CDH18: variants seen among roughly 807,000 people sequenced by gnomAD.
CDH18 encodes cadherin 18.
In CDH18, 31 loss-of-function variants were observed where a neutral mutation model predicts 67.9. That is an observed-to-expected ratio of 0.46 (90% CI 0.34 to 0.62). CDH18 has a LOEUF of 0.62. CDH18 is among the 20% of genes least tolerant of loss of function. The pLI is 0.01. For missense variants in CDH18, 890 were observed against 975.5 expected, an observed-to-expected ratio of 0.91 and a Z score of 1.17; for synonymous variants, 362 against 347.2, an observed-to-expected ratio of 1.04 and a Z score of -0.48.
Position 19,504,569 on chromosome 5 carries a change from T to A in CDH18, c.1513-1460A>T, listed in dbSNP as rs184528116. 2.5e-3 allele frequency among the ~76,000 whole-genome samples: 386 copies of A among 152,196 alleles called. 1 individual carries two copies. Among genetic ancestry groups the A allele is most frequent in the Non-Finnish European group, 4.6e-3 (313 of 68,004 alleles). ...GGAACATATATACATTAGCTAGACA[T>A]TAGTTACTTAATACAAAATTGAAAT... On this transcript the variant is annotated intron_variant, in intron 10 of 12. Coordinates refer to ENST00000382275, the MANE Select transcript of CDH18 (RefSeq NM_004934.5).
intron 2 of CDH18, among the ~76,000 whole-genome samples, chr5:19,867,648 A>C (rs1445902684): frequency 2.7e-4 from 1 of 3,766 alleles, no homozygotes; most frequent in Non-Finnish European, 7.6e-4. Flanking sequence ...CTAAATATAT[A>C]TATTTATATA....
rs1195934732 is a variant in CDH18 at position 20,292,810 on chromosome 5, T to C, written c.-579-37305A>G. Among the ~76,000 whole-genome samples the C allele has an allele frequency of 2.6e-5, 4 of 152,190 alleles. No homozygotes were observed. The East Asian group carries it at 7.7e-4, about 29-fold the overall frequency. On this transcript the variant is annotated intron_variant, in intron 1 of 14. Transcript: ENST00000507958. ...ATGTCTTCATATCATCTTCCCTGTGTGTGTGTTACTTTCTGTTTCTCTACT... is the reference window on the plus strand; with the variant it reads ...ATGTCTTCATATCATCTTCCCTGTGCGTGTGTTACTTTCTGTTTCTCTACT...
At chr5:19,602,909 G>C (rs970991842) in intron 6 of CDH18, among the ~76,000 whole-genome samples, 1 of 152,072 alleles carries the variant, frequency 6.6e-6, no homozygotes, top group Non-Finnish European at 1.5e-5. Flanking sequence ...AGGGTGCAGT[G>C]AGCCAAGATC....
chr5:20,299,561 C>T (rs1747799706), intron 1 of CDH18, among the ~76,000 whole-genome samples: 1 of 151,878 alleles, frequency 6.6e-6, no homozygotes, highest in African/African-American at 2.4e-5. Context: ...AAGTTCGAGA[C>T]CGGCCTGGCC....
chr5:19,482,381 G>T (rs1401458656), intron 12 of CDH18, among the ~76,000 whole-genome samples: 2 of 152,120 alleles, frequency 1.3e-5, no homozygotes, highest in Non-Finnish European at 2.9e-5. Flanking sequence ...CTCCCAAAGT[G>T]CTGGGATTAC....
chr5:19,840,883 C>A lies in CDH18; in HGVS notation c.-256-1641G>T, dbSNP rs553434045. Among the ~76,000 whole-genome samples, 7 of 152,252 alleles carry A rather than the reference C, an allele frequency of 4.6e-5. No individual in the cohort carries two copies. The East Asian group carries it at 1.4e-3, about 29-fold the overall frequency. On this transcript the variant is annotated intron_variant, in intron 2 of 12. Coordinates refer to ENST00000382275, the MANE Select transcript of CDH18 (RefSeq NM_004934.5). ...TAAAAAGTACTAAATAAATCACTTT[C>A]TCATTGAATGCAATTCATCCCTGCA...
At chr5:20,442,853 A>G (rs1749706614) in intron 1 of CDH18, among the ~76,000 whole-genome samples, 1 of 151,912 alleles carries the variant, frequency 6.6e-6, no homozygotes, top group South Asian at 2.1e-4. Context: ...ATTCAGATAC[A>G]ATGGATCAGA....
intron 1 of CDH18, among the ~76,000 whole-genome samples, chr5:20,329,618 A>G (rs1738962818): frequency 6.6e-6 from 1 of 151,566 alleles, no homozygotes; most frequent in South Asian, 2.1e-4. Flanking sequence ...CACACACACA[A>G]AATTAGCCGG....
intron 1 of CDH18, among the ~76,000 whole-genome samples, chr5:20,336,297 G>T (rs1489753265): frequency 6.6e-6 from 1 of 152,138 alleles, no homozygotes; most frequent in East Asian, 1.9e-4. Context: ...AGAGGACACA[G>T]TTAGGGGCTG....
chr5:19,999,614 T>C (rs1354945926), intron 2 of CDH18, among the ~76,000 whole-genome samples: 2 of 151,982 alleles, frequency 1.3e-5, no homozygotes, highest in East Asian at 3.9e-4. Flanking sequence ...AAAATAATAA[T>C]AATATTAGTA....
At chr5:20,174,092 CA>C (rs778252171) in intron 2 of CDH18, among the ~76,000 whole-genome samples, 1 of 152,024 alleles carries the variant, frequency 6.6e-6, no homozygotes, top group South Asian at 2.1e-4. Context: ...TAAAATATTT[CA>C]AAACATATGC....
At chr5:20,126,127 T>A (rs1174767791) in intron 2 of CDH18, among the ~76,000 whole-genome samples, 1 of 152,108 alleles carries the variant, frequency 6.6e-6, no homozygotes, top group Non-Finnish European at 1.5e-5. Flanking sequence ...TACAGATTGA[T>A]GGAACAGAAT....
intron 2 of CDH18, among the ~76,000 whole-genome samples, chr5:19,953,320 T>G (rs2150272458): frequency 6.6e-6 from 1 of 152,212 alleles, no homozygotes; most frequent in Middle Eastern, 3.4e-3. Context: ...ATAAATGAGT[T>G]TAGTACTTAC....
intron 2 of CDH18, among the ~76,000 whole-genome samples, chr5:20,221,822 C>T (rs76118713): frequency 0.041 from 6,299 of 152,110 alleles, 379 homozygotes; most frequent in East Asian, 0.28. Context: ...ATTATTGTGT[C>T]ACTTCATCAT....
At chr5:19,500,677 A>G (rs1274480973) in intron 11 of CDH18, among the ~76,000 whole-genome samples, 1 of 152,196 alleles carries the variant, frequency 6.6e-6, no homozygotes, top group Non-Finnish European at 1.5e-5. Context: ...CACTCAAGCT[A>G]CTGTAGCTGA....
rs113255358 is a variant in CDH18, at chr5:20,105,688, C to T, written c.-517-113674G>A. Among the ~76,000 whole-genome samples the T allele has an allele frequency of 1.6e-3, 247 of 152,308 alleles. 1 individual carries two copies. The highest frequency in any genetic ancestry group is 5.1e-3 in the African/African-American group (214 of 41,576). On this transcript the variant is annotated intron_variant, in intron 2 of 14. Transcript: ENST00000507958. ...GCAGTATTCATTCTTTCACGTCTGG[C>T]TTATTTCACTTAGCATAACATTTCT...
At chr5:20,303,240 T>C (rs552044830) in intron 1 of CDH18, among the ~76,000 whole-genome samples, 3 of 152,288 alleles carry the variant, frequency 2.0e-5, no homozygotes, top group African/African-American at 7.2e-5. Context: ...TTGACTTTCA[T>C]TTCGTAAGGG....
chr5:20,165,578 T>C (rs566655194), intron 2 of CDH18, among the ~76,000 whole-genome samples: 345 of 152,188 alleles, frequency 2.3e-3, no homozygotes, highest in African/African-American at 7.7e-3. Context: ...ATAGCAATAA[T>C]CCCCCTTTAT....
intron 1 of CDH18, among the ~76,000 whole-genome samples, chr5:20,294,850 T>C (rs1423191299): frequency 1.3e-5 from 2 of 152,158 alleles, no homozygotes; most frequent in Non-Finnish European, 2.9e-5. Flanking sequence ...CACATACATA[T>C]ACTTACATAT....
Sources: gnomAD v4.1 joint callset for allele counts (sites outside exome capture counted in the v4.1 genomes callset) on GRCh38, gnomAD v4.1.1 for gene constraint, MANE v1.5 for transcripts, NCBI Gene and HGNC (gene_info 2026-07-23, HGNC 2026-07-21) for gene names.